The following PRKCA variants were observed in gnomAD, a reference collection of about 807,000 sequenced individuals.
PRKCA encodes the protein protein kinase C alpha.
Under a neutral mutation model 87.0 loss-of-function variants are expected in PRKCA, and 27 were observed. The ratio of observed to expected loss-of-function variants is 0.31; its 90% confidence interval spans 0.23 to 0.43. The LOEUF (loss-of-function observed/expected upper bound fraction) is 0.43. PRKCA is among the 20% of genes least tolerant of loss of function. The pLI is 1.00. For synonymous variants in PRKCA, 329 were observed against 311.1 expected, an observed-to-expected ratio of 1.06 and a Z score of -0.61; for missense variants, 518 against 852.3, an observed-to-expected ratio of 0.61 and a Z score of 4.88.
chr17:66,489,376 T>C (rs1050590924), intron 2 of PRKCA, among the ~76,000 whole-genome samples: 65 of 104,540 alleles, frequency 6.2e-4, no homozygotes, highest in Middle Eastern at 4.9e-3. Flanking sequence ...TATATATATA[T>C]ATATATATAT....
intron 3 of PRKCA, among the ~76,000 whole-genome samples, chr17:66,633,484 G>A (rs561668282): frequency 2.8e-4 from 42 of 152,242 alleles, no homozygotes; most frequent in Non-Finnish European, 5.0e-4. Flanking sequence ...CACATCAGAT[G>A]GTGACAGCAG....
intron 5 of PRKCA, among the ~76,000 whole-genome samples, chr17:66,656,677 A>G (rs914690117): frequency 2.3e-4 from 35 of 152,320 alleles, no homozygotes; most frequent in African/African-American, 8.4e-4. Context: ...GGAAGACGAA[A>G]TAAATAACAG....
intron 3 of PRKCA, among the ~76,000 whole-genome samples, chr17:66,637,382 C>T (rs571958859): frequency 1.3e-5 from 2 of 152,298 alleles, no homozygotes; most frequent in African/African-American, 4.8e-5. Flanking sequence ...CACTGTAGGA[C>T]GCAACCTTTC....
rs912330649 is a variant in PRKCA at position 66,802,418 on chromosome 17, G to C, written c.1855-1455G>C. 2.0e-5 allele frequency among the ~76,000 whole-genome samples: 3 copies of C among 152,042 alleles called. No individual in the cohort carries two copies. The East Asian group carries it at 5.8e-4, about 30-fold the overall frequency. ...CTCATGCCTGTAATCCCAGCTACTCGGGAGGCTGAGGCAGGAGAATCACTT... is the reference window on the plus strand; with the variant it reads ...CTCATGCCTGTAATCCCAGCTACTCCGGAGGCTGAGGCAGGAGAATCACTT... On this transcript the variant is annotated intron_variant, in intron 16 of 16. Coordinates refer to ENST00000413366, the MANE Select transcript of PRKCA (RefSeq NM_002737.3).
intron 2 of PRKCA, among the ~76,000 whole-genome samples, chr17:66,430,962 G>A (rs1044153403): frequency 2.6e-5 from 4 of 152,158 alleles, no homozygotes; most frequent in Non-Finnish European, 1.5e-5. Flanking sequence ...GGAAATCACA[G>A]GCCCCAAGGA....
intron 8 of PRKCA, among the ~76,000 whole-genome samples, chr17:66,724,652 C>G (rs1446555372): frequency 6.6e-6 from 1 of 152,206 alleles, no homozygotes; most frequent in Admixed American, 6.5e-5. Flanking sequence ...TGCTCAGGCC[C>G]CCAGCAGGGC....
chr17:66,347,029 TA>T (rs201832571), intron 2 of PRKCA, among the ~76,000 whole-genome samples: 11,494 of 139,424 alleles, frequency 0.082, 411 homozygotes, highest in Admixed American at 0.11. Context: ...AGACTCCATC[TA>T]AAAAAAAAAA....
chr17:66,390,686 C>T (rs2143635118), intron 2 of PRKCA, among the ~76,000 whole-genome samples: 1 of 152,280 alleles, frequency 6.6e-6, no homozygotes, highest in Non-Finnish European at 1.5e-5. Context: ...TTATGTGACC[C>T]CCCTGGGGTG....
rs368602635 is a variant in PRKCA at position 66,566,479 on chromosome 17, G to GTTTTTTTTTTTTTTTTTTTTTT, written c.288+70196_288+70197insTTTTTTTTTTTTTTTTTTTTTT. Among the ~76,000 whole-genome samples the GTTTTTTTTTTTTTTTTTTTTTT allele has an allele frequency of 5.4e-5, 4 of 74,702 alleles. 1 individual carries two copies. The highest frequency in any genetic ancestry group is 1.9e-4 in the African/African-American group (4 of 21,390). 49.0% of individuals were successfully genotyped at this position (74,702 alleles called of 152,430 possible). On this transcript the variant is annotated intron_variant, in intron 3 of 16. Coordinates refer to ENST00000413366, the MANE Select transcript of PRKCA (RefSeq NM_002737.3). ...TTGTGAAGAACTGTTGTTGTTTTTT[G>GTTTTTTTTTTTTTTTTTTTTTT]GTTTTTTTTTTTTTTTTTTTTTTGC...
intron 2 of PRKCA, among the ~76,000 whole-genome samples, chr17:66,379,600 C>G (rs1909670198): frequency 6.6e-6 from 1 of 152,156 alleles, no homozygotes; most frequent in Admixed American, 6.5e-5. Flanking sequence ...TTGTAAGGAA[C>G]AAATGTAAAT....
intron 3 of PRKCA, among the ~76,000 whole-genome samples, chr17:66,582,486 T>C (rs965388166): frequency 1.9e-4 from 29 of 152,154 alleles, no homozygotes; most frequent in Admixed American, 1.4e-3. Flanking sequence ...TCATGAGAAC[T>C]GATGGTTTTA....
chr17:66,786,220 A>G (rs564357240), intron 14 of PRKCA, among the ~76,000 whole-genome samples: 10 of 152,202 alleles, frequency 6.6e-5, no homozygotes, highest in African/African-American at 2.2e-4. Context: ...GATCCACCTG[A>G]CTCTAAAGCC....
intron 2 of PRKCA, among the ~76,000 whole-genome samples, chr17:66,324,502 A>C (rs957862890): frequency 6.6e-6 from 1 of 151,100 alleles, no homozygotes; most frequent in Non-Finnish European, 1.5e-5. Context: ...AATCCCAGCT[A>C]TTTGGGAAGC....
At chr17:66,637,753 C>T (rs968822877) in intron 3 of PRKCA, among the ~76,000 whole-genome samples, 3 of 152,122 alleles carry the variant, frequency 2.0e-5, no homozygotes, top group African/African-American at 7.2e-5. Context: ...GTGTGTCCGC[C>T]AACACAAGGA....
At chr17:66,787,932 T>G (rs1975440917) in intron 15 of PRKCA, among the ~76,000 whole-genome samples, 1 of 152,258 alleles carries the variant, frequency 6.6e-6, no homozygotes, top group Admixed American at 6.5e-5. Flanking sequence ...CATCGTTTCC[T>G]TATCCATTCT....
At chr17:66,399,362 T>G (rs898049757) in intron 2 of PRKCA, among the ~76,000 whole-genome samples, 2 of 152,178 alleles carry the variant, frequency 1.3e-5, no homozygotes, top group African/African-American at 4.8e-5. Flanking sequence ...ATTACCTGGC[T>G]GACAGCATTT....
At chr17:66,678,764 T>A (rs1972407368) in intron 5 of PRKCA, among the ~76,000 whole-genome samples, 1 of 152,204 alleles carries the variant, frequency 6.6e-6, no homozygotes, top group Non-Finnish European at 1.5e-5. Context: ...GAACACTGTT[T>A]TAGATACATT....
At chr17:66,677,770 A>G (rs945802246) in intron 5 of PRKCA, among the ~76,000 whole-genome samples, 1 of 152,236 alleles carries the variant, frequency 6.6e-6, no homozygotes, top group Non-Finnish European at 1.5e-5. Flanking sequence ...TATTGTGAGT[A>G]TTAAGTGAGT....
chr17:66,581,569 G>T (rs943867292), intron 3 of PRKCA, among the ~76,000 whole-genome samples: 5 of 152,080 alleles, frequency 3.3e-5, no homozygotes, highest in African/African-American at 1.2e-4. Context: ...TCTGCCTCCT[G>T]GGTTCATGCC....
Sources: allele counts gnomAD v4.1 joint callset (sites outside exome capture counted in the v4.1 genomes callset), GRCh38; gene constraint gnomAD v4.1.1; transcripts MANE v1.5; gene names NCBI Gene and HGNC (gene_info 2026-07-23, HGNC 2026-07-21).